Variants in GSE1 observed in about 807,000 individuals in gnomAD.
GSE1 encodes Gse1 coiled-coil protein, also known as genetic suppressor element 1.
Under a neutral mutation model 112.6 loss-of-function variants are expected in GSE1, and 32 were observed. That is an observed-to-expected ratio of 0.28 (90% CI 0.21 to 0.38). GSE1 has a LOEUF of 0.38. Ranked by LOEUF, GSE1 falls within the 10% of genes least tolerant of loss-of-function variation. The probability of loss-of-function intolerance (pLI) is 1.00; values close to 1 mark genes in which losing one functional copy is unlikely to be tolerated. For missense variants in GSE1, 2,348 were observed against 1,699.2 expected, an observed-to-expected ratio of 1.38 and a Z score of -6.71; for synonymous variants, 1,115 against 735.6, an observed-to-expected ratio of 1.52 and a Z score of -8.35.
In GSE1 at chr16:85,661,306, G is replaced by A. The variant is rs528060260; in HGVS notation, c.1801G>A (p.Glu601Lys). The change falls in exon 9 of 16, where the codon GAA (glutamate) becomes AAA (lysine). Residue 601 changes from glutamate to lysine, a missense_variant. Transcript: ENST00000253458. ...CAACACCTTGGAGACGCGGCGGGCC[G>A]AAAGCCACTCTCTGCACAGCCACCC... Reference protein sequence around the residue: ...MDNTLETRRAESHSLHSHPAA... With the variant: ...MDNTLETRRAKSHSLHSHPAA... 25 of 1,612,780 alleles carry A rather than the reference G, an allele frequency of 1.6e-5. No homozygotes were observed. Among genetic ancestry groups the A allele is most frequent in the African/African-American group, 2.7e-5 (2 of 75,044 alleles).
At chr16:85,210,392 C>G (rs1025750178) in intron 1 of GSE1, among the ~76,000 whole-genome samples, 1 of 152,122 alleles carries the variant, frequency 6.6e-6, no homozygotes, top group Non-Finnish European at 1.5e-5. Context: ...TTGCTTGAGC[C>G]CAGGAGTTAG....
chr16:85,615,248 A>G (rs1020750820), intron 1 of GSE1, among the ~76,000 whole-genome samples: 2 of 152,002 alleles, frequency 1.3e-5, no homozygotes, highest in African/African-American at 4.8e-5. Context: ...CCGACGGCGA[A>G]GTGTGTCATC....
intron 1 of GSE1, among the ~76,000 whole-genome samples, chr16:85,206,171 G>C (rs76151007): frequency 0.015 from 2,274 of 151,914 alleles, 71 homozygotes; most frequent in African/African-American, 0.052. Flanking sequence ...GCACGGGAAG[G>C]GGGGAGGGAA....
At chr16:85,598,201 A>AT (rs1366491512) in intron 1 of GSE1, among the ~76,000 whole-genome samples, 1 of 109,990 alleles carries the variant, frequency 9.1e-6, no homozygotes, top group African/African-American at 3.7e-5. Context: ...TCACTTTCTC[A>AT]TCTCTCAGCA....
At chr16:85,574,028 C>A (rs1460411110) in intron 1 of GSE1, among the ~76,000 whole-genome samples, 1 of 152,232 alleles carries the variant, frequency 6.6e-6, no homozygotes, top group African/African-American at 2.4e-5. Context: ...CCCGCGGGGA[C>A]TGGCTTGGGA....
intron 2 of GSE1, among the ~76,000 whole-genome samples, chr16:85,494,489 G>A (rs959392321): frequency 2.1e-5 from 3 of 142,550 alleles, no homozygotes; most frequent in Non-Finnish European, 3.0e-5. Flanking sequence ...GTCTCACTCT[G>A]TTGCCCAGGC....
intron 1 of GSE1, among the ~76,000 whole-genome samples, chr16:85,560,128 C>CTTTTTTTTTTTTTTTTTTTT (rs377241566): frequency 1.4e-4 from 14 of 99,150 alleles, no homozygotes; most frequent in East Asian, 3.1e-4. Flanking sequence ...TCTTCTTCTT[C>CTTTTTTTTTTTTTTTTTTTT]TTTTTTTTTT....
intron 2 of GSE1, among the ~76,000 whole-genome samples, chr16:85,528,200 G>T (rs1023318938): frequency 6.6e-6 from 1 of 152,234 alleles, no homozygotes; most frequent in Non-Finnish European, 1.5e-5. Context: ...TGAGGGCCTC[G>T]AACAAACAGA....
At chr16:85,226,262 T>A (rs1192780104) in intron 1 of GSE1, among the ~76,000 whole-genome samples, 1 of 152,246 alleles carries the variant, frequency 6.6e-6, no homozygotes, top group Non-Finnish European at 1.5e-5. Flanking sequence ...CTGCTTGGTT[T>A]CCCAGGACCT....
intron 1 of GSE1, among the ~76,000 whole-genome samples, chr16:85,221,203 C>G (rs568925442): frequency 6.6e-6 from 1 of 151,998 alleles, no homozygotes; most frequent in Non-Finnish European, 1.5e-5. Context: ...GCTGTCCCTC[C>G]CGTGCTGGGC....
chr16:85,557,679 C>T (rs1223169200), intron 1 of GSE1, among the ~76,000 whole-genome samples: 1 of 151,306 alleles, frequency 6.6e-6, no homozygotes, highest in African/African-American at 2.4e-5. Flanking sequence ...TGGACAGGAC[C>T]CAGCTCCCTT....
chr16:85,270,900 G>A (rs1263162044), intron 1 of GSE1, among the ~76,000 whole-genome samples: 1 of 152,174 alleles, frequency 6.6e-6, no homozygotes, highest in African/African-American at 2.4e-5. Context: ...AAGGCACCCG[G>A]TGCAGGCACA....
chr16:85,398,836 C>T (rs531175443), intron 2 of GSE1, among the ~76,000 whole-genome samples: 7 of 152,200 alleles, frequency 4.6e-5, no homozygotes, highest in African/African-American at 1.4e-4. Flanking sequence ...CATGTGTACA[C>T]GTGCACATGT....
intron 1 of GSE1, among the ~76,000 whole-genome samples, chr16:85,246,311 A>G (rs1905716171): frequency 4.2e-5 from 1 of 24,022 alleles, no homozygotes; most frequent in Non-Finnish European, 7.7e-5. Flanking sequence ...CACGCTGTCT[A>G]CACACACACA....
intron 1 of GSE1, among the ~76,000 whole-genome samples, chr16:85,234,094 T>TTC (rs1323738716): frequency 6.6e-6 from 1 of 152,154 alleles, no homozygotes; most frequent in Non-Finnish European, 1.5e-5. Context: ...TTAACAACCA[T>TTC]TGTAGGCGTC....
At chr16:85,417,861 A>T (rs543771054) in intron 2 of GSE1, among the ~76,000 whole-genome samples, 1 of 152,176 alleles carries the variant, frequency 6.6e-6, no homozygotes, top group Non-Finnish European at 1.5e-5. Flanking sequence ...TTCTTTTGAG[A>T]TGGAGTCTCA....
intron 15 of GSE1, among the ~76,000 whole-genome samples, chr16:85,671,508 TTGGGAGGCTG>T (rs1408295986): frequency 6.6e-6 from 1 of 150,968 alleles, no homozygotes; most frequent in Non-Finnish European, 1.5e-5. Flanking sequence ...TCCCAGCACT[TTGGGAGGCTG>T]AGGCAGGATC....
exon 1 of GSE1, chr16:85,169,963 G>C (rs865984484): frequency 6.1e-6 from 6 of 984,482 alleles, no homozygotes; most frequent in Non-Finnish European, 7.2e-6. Flanking sequence ...GCTGGGCAGC[G>C]CCACCGGCGA....
intron 1 of GSE1, among the ~76,000 whole-genome samples, chr16:85,337,333 T>C (rs1597426873): frequency 7.0e-6 from 1 of 142,690 alleles, no homozygotes; most frequent in African/African-American, 2.6e-5. Flanking sequence ...TGAGACGGAG[T>C]CTCGCTCTGT....
Sources: gnomAD v4.1 joint callset for allele counts (sites outside exome capture counted in the v4.1 genomes callset) on GRCh38, gnomAD v4.1.1 for gene constraint, MANE v1.5 for transcripts, NCBI Gene and HGNC (gene_info 2026-07-23, HGNC 2026-07-21) for gene names.